Variants in TFEC observed in about 807,000 individuals in gnomAD.
The protein encoded by TFEC is class E basic helix-loop-helix protein 34.
TFEC carries 31 observed loss-of-function variants against 41.6 expected under a neutral mutation model. The ratio of observed to expected loss-of-function variants is 0.74; its 90% CI spans 0.56 to 1.01. The LOEUF (loss-of-function observed/expected upper bound fraction) is 1.01. TFEC is among the 50% of genes least tolerant of loss of function. TFEC has a pLI of 0.00. For synonymous variants in TFEC, 143 were observed against 140.6 expected (o/e 1.02, Z -0.12); for missense variants, 402 against 404.1 (o/e 0.99, Z 0.04).
rs114206283 is a variant in TFEC at position 115,941,089 on chromosome 7, C to T, written c.664-158G>A. The T allele has an allele frequency of 4.5e-3, 3,234 of 716,924 alleles. 72 individuals carry two copies. In the African/African-American group the frequency reaches 0.052, roughly 12 times the overall value. The allele number at this position is 716,924 out of a possible 1,614,324, so 44.4% of individuals were successfully genotyped here. The stretch of plus-strand genomic sequence containing the variant: ...ATCTTTGCAAATAATGAAATTGATA[C>T]ATTTCTGATGCATGAAAAATAACTC... On this transcript the variant is annotated intron_variant, in intron 7 of 7. Coordinates refer to ENST00000265440, the MANE Select transcript of TFEC (RefSeq NM_012252.4).
At chr7:115,964,026 T>C (rs1266509215) in intron 3 of TFEC, among the ~76,000 whole-genome samples, 1 of 151,592 alleles carries the variant, frequency 6.6e-6, no homozygotes, top group Non-Finnish European at 1.5e-5. Context: ...GCGTTGTAAG[T>C]TTTAGCCAGA....
At chr7:116,039,059 G>A (rs1466964496) in intron 3 of TFEC, among the ~76,000 whole-genome samples, 1 of 151,990 alleles carries the variant, frequency 6.6e-6, no homozygotes, top group Non-Finnish European at 1.5e-5. Context: ...AGCAGTCCAT[G>A]GTTATGCCTC....
At chr7:116,062,599 A>ATATATATATATATATG (rs1400618373) in intron 3 of TFEC, among the ~76,000 whole-genome samples, 1 of 119,984 alleles carries the variant, frequency 8.3e-6, no homozygotes, top group Non-Finnish European at 1.8e-5. Flanking sequence ...ATATATATAT[A>ATATATATATATATATG]TCACATTTTT....
chr7:115,943,447 C>T (rs1793611864), intron 6 of TFEC, among the ~76,000 whole-genome samples: 1 of 151,820 alleles, frequency 6.6e-6, no homozygotes, highest in African/African-American at 2.4e-5. Flanking sequence ...ATAACCCTAG[C>T]CATATTTGAA....
chr7:116,146,504 G>A (rs909837245), intron 1 of TFEC, among the ~76,000 whole-genome samples: 1 of 152,184 alleles, frequency 6.6e-6, no homozygotes, highest in Non-Finnish European at 1.5e-5. Context: ...TCCATCTCAG[G>A]TGTCTAAGGC....
intron 1 of TFEC, among the ~76,000 whole-genome samples, chr7:115,993,440 T>C (rs988437979): frequency 2.0e-5 from 3 of 152,190 alleles, no homozygotes; most frequent in Non-Finnish European, 2.9e-5. Flanking sequence ...GATGACATGA[T>C]TGTATATTTA....
At chr7:116,118,570 T>C (rs1419808854) in intron 1 of TFEC, among the ~76,000 whole-genome samples, 1 of 151,778 alleles carries the variant, frequency 6.6e-6, no homozygotes, top group Non-Finnish European at 1.5e-5. Flanking sequence ...GTCCTGCACC[T>C]ACACACAATT....
intron 2 of TFEC, among the ~76,000 whole-genome samples, chr7:115,978,746 G>A (rs1414302443): frequency 6.6e-6 from 1 of 152,002 alleles, no homozygotes; most frequent in Non-Finnish European, 1.5e-5. Flanking sequence ...TGCTATATTT[G>A]GGTGTGTGAA....
chr7:116,139,053 T>C (rs1798488698), intron 1 of TFEC, among the ~76,000 whole-genome samples: 1 of 152,144 alleles, frequency 6.6e-6, no homozygotes. Flanking sequence ...AATAACACTC[T>C]CTGGGGTTGC....
chr7:115,964,046 CA>C (rs1191836071), intron 3 of TFEC, among the ~76,000 whole-genome samples: 10 of 151,064 alleles, frequency 6.6e-5, no homozygotes, highest in African/African-American at 9.7e-5. Flanking sequence ...AATAATTAGG[CA>C]AAAAAAGTAA....
Position 115,950,961 on chromosome 7 carries a change from G to T in TFEC, c.440-12C>A. On this transcript the variant is annotated splice_polypyrimidine_tract_variant and intron_variant, in intron 5 of 7. Coordinates refer to ENST00000265440, the MANE Select transcript of TFEC (RefSeq NM_012252.4). ...TCTTCTTCTTTCAACTATTAAAGAA[G>T]AAATATTATTGATTATTCTCATTAA... 2 of 1,510,648 alleles carry T rather than the reference G, an allele frequency of 1.3e-6. No homozygotes were observed. The highest frequency in any genetic ancestry group is 9.1e-7 in the Non-Finnish European group (1 of 1,096,814). The allele number at this position is 1,510,648 out of a possible 1,614,324, so 93.6% of individuals were successfully genotyped here. A position where few individuals can be genotyped will look rare whatever the true frequency, so the allele number is the denominator to read the frequency against.
At chr7:115,980,673 C>G (rs533331551) in intron 2 of TFEC, among the ~76,000 whole-genome samples, 1 of 152,098 alleles carries the variant, frequency 6.6e-6, no homozygotes, top group South Asian at 2.1e-4. Context: ...TCTCTTGAAC[C>G]CAGGTGGTGG....
intron 3 of TFEC, among the ~76,000 whole-genome samples, chr7:116,069,203 CA>C (rs1796767578): frequency 6.6e-6 from 1 of 151,162 alleles, no homozygotes; most frequent in South Asian, 2.1e-4. Context: ...AAAACTCTGG[CA>C]AAATTGATTA....
In TFEC at chr7:115,959,519, CA is replaced by C. The variant is rs1184563273; in HGVS notation, c.268-2727del. Reference sequence around the variant, plus strand: ...ATATTTCCTGAAGAAAATGAGCTAGCAGGTCAAAATATCAAAATATTTGAGG... The same window carrying C: ...ATATTTCCTGAAGAAAATGAGCTAGCGGTCAAAATATCAAAATATTTGAGG... On this transcript the variant is annotated intron_variant, in intron 3 of 7. Coordinates refer to ENST00000265440, the MANE Select transcript of TFEC (RefSeq NM_012252.4). Among the ~76,000 whole-genome samples the C allele has an allele frequency of 2.0e-5, 3 of 151,724 alleles. No individual in the cohort carries two copies. In the East Asian group the frequency reaches 5.9e-4, roughly 30 times the overall value.
At chr7:116,137,057 T>C (rs1478446784) in intron 1 of TFEC, among the ~76,000 whole-genome samples, 1 of 152,090 alleles carries the variant, frequency 6.6e-6, no homozygotes, top group East Asian at 1.9e-4. Flanking sequence ...TATAAATTTG[T>C]CTTTGGCTAA....
intron 1 of TFEC, among the ~76,000 whole-genome samples, chr7:116,155,005 C>G (rs920687315): frequency 6.6e-6 from 1 of 152,204 alleles, no homozygotes. Flanking sequence ...CCCTGCTATG[C>G]ACCCCCGGAA....
intron 1 of TFEC, among the ~76,000 whole-genome samples, chr7:116,123,685 C>T (rs891390832): frequency 6.6e-6 from 1 of 152,042 alleles, no homozygotes; most frequent in Non-Finnish European, 1.5e-5. Flanking sequence ...CACAACTGCC[C>T]TTTTTATCTA....
At chr7:115,956,917 G>A (rs1490068297) in intron 3 of TFEC, 124 bp from the exon 4 acceptor site, 2 of 548,440 alleles carry the variant, frequency 3.6e-6, no homozygotes, top group African/African-American at 4.0e-5. Context: ...TCTAATTTGG[G>A]GCATTTTGCT....
At chr7:115,993,013 A>C (rs1794194516) in intron 1 of TFEC, among the ~76,000 whole-genome samples, 1 of 152,238 alleles carries the variant, frequency 6.6e-6, no homozygotes, top group Non-Finnish European at 1.5e-5. Flanking sequence ...ACCACGATCA[A>C]GTGGGCTTCA....
Sources: allele counts gnomAD v4.1 joint callset (sites outside exome capture counted in the v4.1 genomes callset), GRCh38; gene constraint gnomAD v4.1.1; transcripts MANE v1.5; gene names NCBI Gene and HGNC (gene_info 2026-07-23, HGNC 2026-07-21).